Variants in RAPGEF5 observed in about 807,000 individuals in gnomAD.
RAPGEF5 encodes M-Ras-regulated GEF.
In RAPGEF5, 65 loss-of-function variants were observed where a neutral mutation model predicts 125.2. The observed-to-expected ratio is 0.52, with a 90% CI of 0.43 to 0.64. The LOEUF is 0.64. Ranked by LOEUF, RAPGEF5 falls within the 30% of genes least tolerant of loss-of-function variation. The pLI is 0.00. For missense variants in RAPGEF5, 958 were observed against 1,048.1 expected, an observed-to-expected ratio of 0.91 and a Z score of 1.19; for synonymous variants, 391 against 385.9, an observed-to-expected ratio of 1.01 and a Z score of -0.16.
intron 5 of RAPGEF5, among the ~76,000 whole-genome samples, chr7:22,301,084 C>T (rs1429470531): frequency 6.6e-6 from 1 of 152,152 alleles, no homozygotes; most frequent in Non-Finnish European, 1.5e-5. Flanking sequence ...CCATAATTTG[C>T]CTGCTTTTGT....
intron 6 of RAPGEF5, among the ~76,000 whole-genome samples, chr7:22,284,713 G>C (rs754125535): frequency 5.9e-5 from 9 of 152,140 alleles, no homozygotes; most frequent in Non-Finnish European, 1.2e-4. Flanking sequence ...TTTATTCTTT[G>C]AATAGCCATG....
At chr7:22,353,190 G>GCA (rs1784361012) in intron 1 of RAPGEF5, among the ~76,000 whole-genome samples, 1 of 152,108 alleles carries the variant, frequency 6.6e-6, no homozygotes, top group South Asian at 2.1e-4. Context: ...ATGTTCTACA[G>GCA]CACAAATGAA....
intron 2 of RAPGEF5, among the ~76,000 whole-genome samples, chr7:22,317,022 G>A (rs1313984907): frequency 6.7e-6 from 1 of 149,614 alleles, no homozygotes; most frequent in East Asian, 2.0e-4. Flanking sequence ...ATGACAGAAA[G>A]TATTACCGAG....
At chr7:22,205,973 T>C (rs1000773583) in intron 9 of RAPGEF5, among the ~76,000 whole-genome samples, 1 of 152,178 alleles carries the variant, frequency 6.6e-6, no homozygotes, top group African/African-American at 2.4e-5. Context: ...TTGGCATTGA[T>C]AGACATATTC....
intron 23 of RAPGEF5, among the ~76,000 whole-genome samples, chr7:22,133,364 G>A (rs900795423): frequency 1.3e-5 from 2 of 152,180 alleles, no homozygotes; most frequent in African/African-American, 4.8e-5. Flanking sequence ...GAAGGTATGA[G>A]AGAGAAACAA....
rs1785742278 is a variant in RAPGEF5, at chr7:22,219,949, G to A, written c.913C>T (p.Arg305Ter). The change falls in exon 9 of 26, where the codon CGA becomes TGA. Residue 305 changes from arginine to a stop codon, truncating the protein, a stop_gained. Transcript: ENST00000665637. LOFTEE classifies it high-confidence loss of function. ...GCCAGCTTCTGGACTAGTTCAATTC[G>A]TCCGATTTCATCTCTTTCCTGGAGC... is the stretch of plus-strand genomic sequence containing the variant. ...CKLQERDEIG[R>*]IELVQKLAKE... 1.2e-6 allele frequency: 2 copies of A among 1,613,218 alleles called. No individual in the cohort carries two copies. Among genetic ancestry groups the A allele is most frequent in the South Asian group, 2.2e-5 (2 of 91,050 alleles).
intron 9 of RAPGEF5, among the ~76,000 whole-genome samples, chr7:22,210,077 T>C (rs13310106): frequency 1.5e-4 from 23 of 152,314 alleles, no homozygotes; most frequent in Non-Finnish European, 2.9e-5. Flanking sequence ...AAATAAAGTT[T>C]TCCTTCCCCA....
intron 6 of RAPGEF5, among the ~76,000 whole-genome samples, chr7:22,269,325 T>G (rs1353382535): frequency 6.6e-6 from 1 of 152,196 alleles, no homozygotes; most frequent in Non-Finnish European, 1.5e-5. Flanking sequence ...TTTTTGTTTT[T>G]TTAAATGACC....
intron 6 of RAPGEF5, among the ~76,000 whole-genome samples, chr7:22,272,607 T>C (rs1406785474): frequency 6.6e-6 from 1 of 152,108 alleles, no homozygotes; most frequent in Non-Finnish European, 1.5e-5. Flanking sequence ...AAACTAAATG[T>C]AAGAAGAAAC....
At chr7:22,143,707 A>G (rs1010632692) in intron 20 of RAPGEF5, among the ~76,000 whole-genome samples, 9 of 152,028 alleles carry the variant, frequency 5.9e-5, no homozygotes, top group Non-Finnish European at 7.4e-5. Context: ...TCCTTCACCA[A>G]CGTTTTCCTG....
At chr7:22,150,370 G>A in intron 18 of RAPGEF5, 37 bp downstream of exon 18, 1 of 1,587,130 alleles carries the variant, frequency 6.3e-7, no homozygotes, top group Non-Finnish European at 8.6e-7. Context: ...ACCTCGCCTG[G>A]CCTGTTTGTT....
intron 1 of RAPGEF5, among the ~76,000 whole-genome samples, chr7:22,340,413 G>A (rs972194142): frequency 8.5e-5 from 13 of 152,322 alleles, no homozygotes; most frequent in South Asian, 4.1e-4. Flanking sequence ...GAAGAAGGCC[G>A]ATCAGAGACT....
chr7:22,344,647 G>A (rs1784189314), intron 1 of RAPGEF5, among the ~76,000 whole-genome samples: 1 of 152,216 alleles, frequency 6.6e-6, no homozygotes, highest in Non-Finnish European at 1.5e-5. Context: ...ATCCACAAAG[G>A]CAGCCTCCAC....
At chr7:22,172,007 TAAC>T (rs1327955608) in intron 11 of RAPGEF5, among the ~76,000 whole-genome samples, 15 of 152,216 alleles carry the variant, frequency 9.9e-5, no homozygotes, top group African/African-American at 3.6e-4. Context: ...TCTATAGTTT[TAAC>T]TATTATAAAA....
chr7:22,173,243 A>G (rs182613456), intron 11 of RAPGEF5, among the ~76,000 whole-genome samples: 70 of 152,324 alleles, frequency 4.6e-4, no homozygotes, highest in African/African-American at 1.6e-3. Flanking sequence ...TTTCATGTTC[A>G]GGTTGGAATA....
At chr7:22,177,461 A>AC (rs1192727069) in intron 11 of RAPGEF5, among the ~76,000 whole-genome samples, 1 of 152,266 alleles carries the variant, frequency 6.6e-6, no homozygotes, top group African/African-American at 2.4e-5. Context: ...CTGGCCATGC[A>AC]CCAGGTAGCC....
At chr7:22,291,814 C>T (rs547666232) in intron 5 of RAPGEF5, among the ~76,000 whole-genome samples, 1 of 152,254 alleles carries the variant, frequency 6.6e-6, no homozygotes, top group Admixed American at 6.5e-5. Context: ...ATATTATGCA[C>T]GTGTTAAATA....
At chr7:22,144,007 T>G (rs1377823685) in intron 20 of RAPGEF5, among the ~76,000 whole-genome samples, 1 of 152,250 alleles carries the variant, frequency 6.6e-6, no homozygotes, top group Non-Finnish European at 1.5e-5. Context: ...AAAACTACTT[T>G]GGAAGACAAA....
At chr7:22,210,938 A>G in intron 9 of RAPGEF5, among the ~76,000 whole-genome samples, 1 of 152,186 alleles carries the variant, frequency 6.6e-6, no homozygotes, top group East Asian at 1.9e-4. Flanking sequence ...TCAAAAAGAG[A>G]GCAGATAATT....
Sources: gnomAD v4.1 joint callset for allele counts (sites outside exome capture counted in the v4.1 genomes callset) on GRCh38, gnomAD v4.1.1 for gene constraint, MANE v1.5 for transcripts, NCBI Gene and HGNC (gene_info 2026-07-23, HGNC 2026-07-21) for gene names.